Variants in ARID5B observed in about 807,000 individuals in gnomAD.
ARID5B encodes the protein AT-rich interactive domain-containing protein 5B.
ARID5B carries 13 observed loss-of-function variants against 97.2 expected under a neutral mutation model. The observed-to-expected ratio is 0.13, with a 90% confidence interval of 0.09 to 0.21. ARID5B has a LOEUF of 0.21. Ranked by LOEUF, ARID5B falls within the 10% of genes least tolerant of loss-of-function variation. The pLI, the probability that ARID5B is intolerant of heterozygous loss-of-function variation, is 1.00. For missense variants in ARID5B, 1,210 were observed against 1,465.3 expected, an observed-to-expected ratio of 0.83 and a Z score of 2.84; for synonymous variants, 556 against 570.3, an observed-to-expected ratio of 0.97 and a Z score of 0.36.
intron 3 of ARID5B, among the ~76,000 whole-genome samples, chr10:61,979,394 T>A: frequency 6.6e-6 from 1 of 152,178 alleles, no homozygotes; most frequent in East Asian, 1.9e-4. Context: ...GTGTTCCTGG[T>A]GAGCCATGTA....
intron 4 of ARID5B, among the ~76,000 whole-genome samples, chr10:62,050,373 CTA>C (rs1839770853): frequency 6.6e-6 from 1 of 152,218 alleles, no homozygotes; most frequent in African/African-American, 2.4e-5. Context: ...GCCCCTCTCT[CTA>C]TAGCTATCTC....
At chr10:61,947,331 C>T (rs866687812) in intron 3 of ARID5B, among the ~76,000 whole-genome samples, 1 of 142,282 alleles carries the variant, frequency 7.0e-6, no homozygotes, top group African/African-American at 2.6e-5. Context: ...TGCAGTGGTG[C>T]GATCTTGGCT....
chr10:61,929,060 A>G (rs576127951), intron 2 of ARID5B, among the ~76,000 whole-genome samples: 2 of 152,356 alleles, frequency 1.3e-5, no homozygotes, highest in African/African-American at 4.8e-5. Flanking sequence ...TGGTTCCGTC[A>G]GGACACAAGC....
intron 2 of ARID5B, among the ~76,000 whole-genome samples, chr10:61,909,650 G>A (rs142225950): frequency 3.0e-4 from 45 of 152,252 alleles, no homozygotes; most frequent in Non-Finnish European, 5.7e-4. Context: ...CTGAGTGACT[G>A]AACGACATAA....
intron 3 of ARID5B, among the ~76,000 whole-genome samples, chr10:61,962,472 A>G (rs978515191): frequency 3.3e-5 from 5 of 152,204 alleles, no homozygotes; most frequent in African/African-American, 9.7e-5. Flanking sequence ...TAATGACTCT[A>G]CGGGCACGTT....
At chr10:62,062,348 C>G (rs1351114174) in intron 7 of ARID5B, among the ~76,000 whole-genome samples, 1 of 152,176 alleles carries the variant, frequency 6.6e-6, no homozygotes, top group Non-Finnish European at 1.5e-5. Context: ...AAGAATAGGG[C>G]TCATGTTTTT....
At chr10:61,984,999 T>C (rs534331392) in intron 3 of ARID5B, among the ~76,000 whole-genome samples, 1 of 152,098 alleles carries the variant, frequency 6.6e-6, no homozygotes, top group African/African-American at 2.4e-5. Context: ...TCATAATAAC[T>C]TCCTTAGGGC....
chr10:61,919,506 C>CA (rs1843974422), intron 2 of ARID5B, among the ~76,000 whole-genome samples: 1 of 152,118 alleles, frequency 6.6e-6, no homozygotes, highest in Non-Finnish European at 1.5e-5. Flanking sequence ...AAGGATCTTC[C>CA]AAATAGAGGT....
chr10:62,032,507 G>A (rs1839509803), intron 4 of ARID5B, among the ~76,000 whole-genome samples: 3 of 152,070 alleles, frequency 2.0e-5, no homozygotes, highest in Admixed American at 6.6e-5. Context: ...ACGAGGTCAA[G>A]AGTTTGAGAC....
At chr10:61,909,842 G>GT (rs371017625) in intron 2 of ARID5B, among the ~76,000 whole-genome samples, 1 of 152,162 alleles carries the variant, frequency 6.6e-6, no homozygotes, top group Non-Finnish European at 1.5e-5. Context: ...ATGGGAAGTG[G>GT]TTTTTTCACA....
chr10:62,078,484 T>C (rs1840167490), intron 8 of ARID5B, among the ~76,000 whole-genome samples: 1 of 152,230 alleles, frequency 6.6e-6, no homozygotes. Context: ...ATTGGGTTTA[T>C]TATTCTTGAA....
intron 3 of ARID5B, among the ~76,000 whole-genome samples, chr10:61,952,979 T>C (rs1838343248): frequency 6.6e-6 from 1 of 152,058 alleles, no homozygotes; most frequent in Non-Finnish European, 1.5e-5. Context: ...TAAATCCAGA[T>C]TGGACTTGTT....
intron 3 of ARID5B, among the ~76,000 whole-genome samples, chr10:61,989,781 C>A (rs1838897399): frequency 6.6e-6 from 1 of 152,190 alleles, no homozygotes; most frequent in South Asian, 2.1e-4. Flanking sequence ...CCAAAGTACT[C>A]TATTTCTAAT....
At chr10:61,955,733 C>T (rs1397989359) in intron 3 of ARID5B, among the ~76,000 whole-genome samples, 1 of 152,184 alleles carries the variant, frequency 6.6e-6, no homozygotes, top group Non-Finnish European at 1.5e-5. Context: ...TCACTGCAAC[C>T]TCCGGCTCCT....
At chr10:61,913,971 G>A (rs1239315546) in intron 2 of ARID5B, among the ~76,000 whole-genome samples, 1 of 152,132 alleles carries the variant, frequency 6.6e-6, no homozygotes, top group Non-Finnish European at 1.5e-5. Context: ...GGCTGGTCTT[G>A]AACTCCCGAC....
At chr10:61,986,343 G>T (rs1374544236) in intron 3 of ARID5B, among the ~76,000 whole-genome samples, 1 of 152,128 alleles carries the variant, frequency 6.6e-6, no homozygotes, top group Non-Finnish European at 1.5e-5. Flanking sequence ...TATAAATTTG[G>T]GAGTGTTATA....
At chr10:61,992,706 GT>G (rs138278865) in intron 3 of ARID5B, among the ~76,000 whole-genome samples, 9 of 151,286 alleles carry the variant, frequency 5.9e-5, no homozygotes, top group African/African-American at 1.7e-4. Flanking sequence ...ATTTAAAGTA[GT>G]TTTTTTTTAG....
At chr10:62,046,868 T>C (rs1839715068) in intron 4 of ARID5B, 1 of 152,146 alleles carries the variant, frequency 6.6e-6, no homozygotes, top group African/African-American at 2.4e-5. Context: ...TGTCGGACAG[T>C]GTTTCCTGTC....
rs534015284 is a variant in ARID5B at position 62,033,038 on chromosome 10, G to A, written c.734-17850G>A. On this transcript the variant is annotated intron_variant, in intron 4 of 9. Transcript: ENST00000279873. Reference sequence around the variant, plus strand: ...AGTTTGTCTATACTGGGAACCCTACGACCAACAGGTTGCCATTCTTCTTGG... The same window carrying A: ...AGTTTGTCTATACTGGGAACCCTACAACCAACAGGTTGCCATTCTTCTTGG... Among the ~76,000 whole-genome samples the A allele has an allele frequency of 5.9e-5, 9 of 152,254 alleles. No individual in the cohort carries two copies. The South Asian group carries it at 1.9e-3, about 32-fold the overall frequency.
Sources: allele counts gnomAD v4.1 joint callset (sites outside exome capture counted in the v4.1 genomes callset), GRCh38; gene constraint gnomAD v4.1.1; transcripts MANE v1.5; gene names NCBI Gene and HGNC (gene_info 2026-07-23, HGNC 2026-07-21).